Variants in C22orf31 observed in about 807,000 individuals in gnomAD.
C22orf31 encodes uncharacterized protein C22orf31.
A neutral mutation model predicts 15.0 loss-of-function variants in C22orf31; 11 were observed. The observed-to-expected ratio is 0.73, with a 90% confidence interval of 0.46 to 1.21. C22orf31 has a LOEUF of 1.21. Among genes scored for constraint, C22orf31 ranks in the 50% most tolerant of loss-of-function variants. The pLI is 0.00. For synonymous variants in C22orf31, 132 were observed against 133.3 expected, an observed-to-expected ratio of 0.99 and a Z score of 0.07; for missense variants, 340 against 347.2, an observed-to-expected ratio of 0.98 and a Z score of 0.17.
chr22:29,060,575 G>T lies in C22orf31; in HGVS notation c.272C>A (p.Pro91Gln), dbSNP rs1304439242. Residue 91 changes from proline (P) to glutamine (Q), a missense_variant, in exon 2 of 3, where the codon CCA becomes CAA. Pro to Gln is a moderately conservative substitution (Grantham distance 76, BLOSUM62 -1). Transcript: ENST00000216071. ...TCCTTCTCCAAACTTGCATGGTGGT[G>T]GGCAGCACTTATTCTTCAGTTGCCG... ...LRRQLKNKCC[P>Q]PPCKFGEGKL... The T allele has an allele frequency of 5.0e-6, 8 of 1,614,122 alleles. No homozygotes were observed. The highest frequency in any genetic ancestry group is 6.8e-6 in the Non-Finnish European group (8 of 1,180,036).
the C22orf31 span, among the ~76,000 whole-genome samples, chr22:29,067,213 T>G: frequency 6.6e-6 from 1 of 151,632 alleles, no homozygotes; most frequent in African/African-American, 2.4e-5. Context: ...TTAAATACTA[T>G]TTACTAAATA....
At chr22:29,070,094 T>C in the C22orf31 span, among the ~76,000 whole-genome samples, 1 of 151,998 alleles carries the variant, frequency 6.6e-6, no homozygotes, top group African/African-American at 2.4e-5. Context: ...TACAGGCACC[T>C]ACCGCCAAGC....
chr22:29,062,499 C>T (rs1050803559), upstream of C22orf31, among the ~76,000 whole-genome samples: 18 of 152,082 alleles, frequency 1.2e-4, no homozygotes, highest in African/African-American at 3.9e-4. Flanking sequence ...AGAACAAAGC[C>T]GCCTCTTCCT....
the C22orf31 span, among the ~76,000 whole-genome samples, chr22:29,072,363 C>T: frequency 3.3e-5 from 5 of 152,012 alleles, no homozygotes; most frequent in African/African-American, 2.4e-5. Flanking sequence ...TGGGCTCAAG[C>T]GATTCTTCCG....
the C22orf31 span, among the ~76,000 whole-genome samples, chr22:29,068,714 C>T: frequency 6.6e-6 from 1 of 151,408 alleles, no homozygotes; most frequent in South Asian, 2.1e-4. Context: ...CCGGCAAGAC[C>T]CTGTCTTTAA....
chr22:29,073,241 ACCC>A, the C22orf31 span: 1 of 1,100,846 alleles, frequency 9.1e-7, no homozygotes, highest in Non-Finnish European at 1.1e-6. This position sits in a 1 kb window ranked among gnomAD's most constrained non-coding sequence, Gnocchi z 4.4. Flanking sequence ...AGTGTGAGCG[ACCC>A]CCCGCCGCCC....
the C22orf31 span, among the ~76,000 whole-genome samples, chr22:29,068,973 A>G: frequency 3.3e-5 from 5 of 151,820 alleles, no homozygotes; most frequent in Non-Finnish European, 7.4e-5. Context: ...TATGTTGGTC[A>G]GGCTGGTCTT....
Position 29,060,454 on chromosome 22 carries a change from C to G in C22orf31, c.393G>C (p.Gln131His), listed in dbSNP as rs1302109668. The change falls in exon 2 of 3, where the codon CAG (glutamine) becomes CAC (histidine). Residue 131 changes from glutamine (Q) to histidine (H), a missense_variant. By Grantham distance (24) the Gln-to-His change is conservative. Coordinates refer to ENST00000216071, the MANE Select transcript of C22orf31 (RefSeq NM_015370.2). ...CTGCAGGCCTCCTATGCCCTGCTGG[C>G]TGCTTGCTCTTGGAACTGATGAAGT... ...KRNFISSKSK[Q>H]PAGHRRPAGG... 2 of 1,613,820 alleles carry G rather than the reference C, an allele frequency of 1.2e-6. No individual in the cohort carries two copies. Among genetic ancestry groups the G allele is most frequent in the Non-Finnish European group, 8.5e-7 (1 of 1,179,980 alleles).
chr22:29,069,158 C>T, the C22orf31 span, among the ~76,000 whole-genome samples: 1 of 152,166 alleles, frequency 6.6e-6, no homozygotes, highest in African/African-American at 2.4e-5. Flanking sequence ...CATTTAATCT[C>T]TCTTTGTTCT....
Position 29,060,794 on chromosome 22 carries a change from C to G in C22orf31, c.53G>C (p.Arg18Pro). 2 of 1,613,660 alleles carry G rather than the reference C, an allele frequency of 1.2e-6. No homozygotes were observed. Among genetic ancestry groups the G allele is most frequent in the Non-Finnish European group, 1.7e-6 (2 of 1,179,668 alleles). Residue 18 changes from arginine (R) to proline (P), a missense_variant, in exon 2 of 3, where the codon CGA becomes CCA. Coordinates refer to ENST00000216071, the MANE Select transcript of C22orf31 (RefSeq NM_015370.2). ...RDPSIPIYGL[R>P]QSILLNTRLQ... ...CCTGGTATTTAATAAGATGGACTGTCGGAGTCCATAGATAGGGATGCTGGG... is the reference window on the plus strand; with the variant it reads ...CCTGGTATTTAATAAGATGGACTGTGGGAGTCCATAGATAGGGATGCTGGG...
chr22:29,058,688 G>T lies in C22orf31; in HGVS notation c.*54C>A. 1 of 1,395,668 alleles carries T rather than the reference G, an allele frequency of 7.2e-7. No individual in the cohort carries two copies. Among genetic ancestry groups the T allele is most frequent in the Non-Finnish European group, 9.8e-7 (1 of 1,016,730 alleles). The allele number at this position is 1,395,668 out of a possible 1,614,324, so 86.5% of individuals were successfully genotyped here. On this transcript the variant is annotated 3_prime_UTR_variant, in exon 3 of 3. Transcript: ENST00000216071. ...GATAACACGGAAGGTGCAAAGTTGT[G>T]TTTATTTTTCAGATCTCTAGCAGAG...
At chr22:29,061,214 C>T (rs759863562) in intron 1 of C22orf31, among the ~76,000 whole-genome samples, 2 of 152,170 alleles carry the variant, frequency 1.3e-5, no homozygotes, top group Non-Finnish European at 2.9e-5. Flanking sequence ...TGCTGCAACA[C>T]AGACATGACA....
upstream of C22orf31, among the ~76,000 whole-genome samples, chr22:29,066,064 T>C (rs985143563): frequency 6.6e-6 from 1 of 151,698 alleles, no homozygotes; most frequent in Non-Finnish European, 1.5e-5. Context: ...CTTTTTTTTT[T>C]GTCTTTCCTT....
chr22:29,059,931 T>G, intron 2 of C22orf31: 1 of 985,108 alleles, frequency 1.0e-6, no homozygotes, highest in Non-Finnish European at 1.2e-6. Flanking sequence ...ATCTGGGGCA[T>G]TCTTCCACTC....
chr22:29,059,232 C>T, intron 2 of C22orf31, 50 bp from the exon 3 acceptor site: 1 of 1,342,386 alleles, frequency 7.4e-7, no homozygotes, highest in Non-Finnish European at 1.0e-6. Flanking sequence ...GAGAGGGGAG[C>T]TCAGAATAAT....
chr22:29,064,655 A>G (rs1028313082), upstream of C22orf31, among the ~76,000 whole-genome samples: 3 of 136,404 alleles, frequency 2.2e-5, no homozygotes, highest in Admixed American at 2.4e-4. Context: ...CTGGGATCAC[A>G]GGCTTGTTTT....
chr22:29,066,154 G>C (rs1293010111), upstream of C22orf31, among the ~76,000 whole-genome samples: 1 of 151,882 alleles, frequency 6.6e-6, no homozygotes, highest in Non-Finnish European at 1.5e-5. Context: ...AAGAAATTGA[G>C]TCAATTTCTA....
At chr22:29,071,662 A>G in the C22orf31 span, among the ~76,000 whole-genome samples, 1 of 152,024 alleles carries the variant, frequency 6.6e-6, no homozygotes, top group Non-Finnish European at 1.5e-5. Context: ...GCTGCGCTTT[A>G]GGCGGGAACT....
chr22:29,064,675 A>ATT (rs563569423), upstream of C22orf31, among the ~76,000 whole-genome samples: 2 of 51,290 alleles, frequency 3.9e-5, no homozygotes, highest in African/African-American at 7.2e-5. Flanking sequence ...TTGCCCAGTG[A>ATT]TTTTTTTTTT....
Sources: gnomAD v4.1 joint callset for allele counts (sites outside exome capture counted in the v4.1 genomes callset) on GRCh38, gnomAD v4.1.1 for gene constraint, Gnocchi (gnomAD v3.1) non-coding constraint, MANE v1.5 for transcripts, NCBI Gene and HGNC (gene_info 2026-07-23, HGNC 2026-07-21) for gene names.